RALYL: variants seen among roughly 807,000 people sequenced by gnomAD.
The protein encoded by RALYL is RALY RNA binding protein like.
A neutral mutation model predicts 35.1 loss-of-function variants in RALYL; 29 were observed. The ratio of observed to expected loss-of-function variants is 0.83; its 90% CI spans 0.61 to 1.13. The LOEUF (loss-of-function observed/expected upper bound fraction) is 1.13, where lower values mean the gene tolerates loss of function less well. Ranked by LOEUF, RALYL falls within the 50% of genes most tolerant of loss-of-function variation. RALYL has a pLI of 0.00. For missense variants in RALYL, 359 were observed against 360.4 expected, an observed-to-expected ratio of 1.00 and a Z score of 0.03; for synonymous variants, 120 against 127.6, an observed-to-expected ratio of 0.94 and a Z score of 0.40.
chr8:84,877,649 C>T (rs1014196682), intron 7 of RALYL, among the ~76,000 whole-genome samples: 4 of 152,114 alleles, frequency 2.6e-5, no homozygotes, highest in Non-Finnish European at 4.4e-5. Context: ...ATCACAGCAT[C>T]GTAGAGGCCT....
chr8:84,309,203 A>G (rs1842325581), intron 1 of RALYL, among the ~76,000 whole-genome samples: 1 of 151,346 alleles, frequency 6.6e-6, no homozygotes, highest in South Asian at 2.1e-4. Flanking sequence ...ATTTAAAAAT[A>G]TAAATTATAT....
intron 2 of RALYL, among the ~76,000 whole-genome samples, chr8:84,699,058 G>GA (rs1839739578): frequency 7.9e-6 from 1 of 126,366 alleles, no homozygotes; most frequent in African/African-American, 3.0e-5. Flanking sequence ...AGATAGATAG[G>GA]ATAAATAGAT....
At chr8:84,872,570 CATCTT>C (rs1392036040) in intron 6 of RALYL, 1 of 152,176 alleles carries the variant, frequency 6.6e-6, no homozygotes, top group East Asian at 1.9e-4. Flanking sequence ...GAAAAATTGT[CATCTT>C]ATGTTAGTCC....
chr8:84,239,280 A>G (rs2131544989), intron 1 of RALYL, among the ~76,000 whole-genome samples: 1 of 152,316 alleles, frequency 6.6e-6, no homozygotes, highest in African/African-American at 2.4e-5. Context: ...CTCAAATAAA[A>G]CATAACTTGA....
intron 2 of RALYL, among the ~76,000 whole-genome samples, chr8:84,674,080 G>A (rs1833754124): frequency 6.6e-6 from 1 of 152,028 alleles, no homozygotes; most frequent in Non-Finnish European, 1.5e-5. Context: ...ACTTTGTAGA[G>A]ATCTTTCACT....
intron 8 of RALYL, among the ~76,000 whole-genome samples, chr8:84,917,299 T>G (rs967674179): frequency 7.3e-5 from 11 of 151,710 alleles, no homozygotes; most frequent in African/African-American, 2.7e-4. Context: ...ACTGAACAGT[T>G]AGGAGGGGCA....
At chr8:84,799,319 C>T (rs1822645486) in intron 3 of RALYL, among the ~76,000 whole-genome samples, 1 of 152,136 alleles carries the variant, frequency 6.6e-6, no homozygotes, top group Non-Finnish European at 1.5e-5. Flanking sequence ...TAAGAAAATA[C>T]TTCCTGGAAA....
rs533830821 is a variant in RALYL, at chr8:84,481,420, C to A, written c.-23-47879C>A. ...TCATAGCTCACTGCAGCCTCAAATT[C>A]TTGGGCTCAGGTGATCCTAATAATT... On this transcript the variant is annotated intron_variant, in intron 1 of 8. Coordinates refer to ENST00000521268, the MANE Select transcript of RALYL (RefSeq NM_173848.7). 2.0e-5 allele frequency among the ~76,000 whole-genome samples: 3 copies of A among 152,282 alleles called. No individual in the cohort carries two copies. In the South Asian group the frequency reaches 6.2e-4, roughly 32 times the overall value.
intron 2 of RALYL, among the ~76,000 whole-genome samples, chr8:84,603,834 G>A (rs1816517487): frequency 6.6e-6 from 1 of 152,104 alleles, no homozygotes; most frequent in Non-Finnish European, 1.5e-5. Context: ...TCATGAAGGT[G>A]TCTGCTAAAA....
chr8:84,671,890 G>A (rs72681005), intron 2 of RALYL, among the ~76,000 whole-genome samples: 29,537 of 152,144 alleles, frequency 0.19, 3,117 homozygotes, highest in Non-Finnish European at 0.23. Context: ...AATTTATGCA[G>A]CCAGCTTGAT....
At position 84,669,495 on chromosome 8, in the gene RALYL, C is replaced by CT. The variant is rs1245149936; in HGVS notation, c.257-105084_257-105083insT. Among the ~76,000 whole-genome samples, 19 of 77,266 alleles carry CT rather than the reference C, an allele frequency of 2.5e-4. 1 individual carries two copies. The highest frequency in any genetic ancestry group is 3.3e-4 in the Non-Finnish European group (13 of 39,150). 50.7% of individuals were successfully genotyped at this position (77,266 alleles called of 152,430 possible). On this transcript the variant is annotated intron_variant, in intron 2 of 8. Coordinates refer to ENST00000521268, the MANE Select transcript of RALYL (RefSeq NM_173848.7). ...ATCTTCTCCCTCCCCCCTCCCCCCCCCCCCACTCTATTAGTTCACAGTGTC... is the reference window on the plus strand; with the variant it reads ...ATCTTCTCCCTCCCCCCTCCCCCCCCTCCCCACTCTATTAGTTCACAGTGTC...
intron 1 of RALYL, among the ~76,000 whole-genome samples, chr8:84,208,078 T>C (rs141713152): frequency 2.6e-5 from 4 of 152,200 alleles, no homozygotes; most frequent in African/African-American, 9.6e-5. Flanking sequence ...AGCCACCGTT[T>C]TTCTGTCAAA....
intron 1 of RALYL, among the ~76,000 whole-genome samples, chr8:84,510,653 A>C (rs1011806426): frequency 2.0e-5 from 3 of 152,158 alleles, no homozygotes; most frequent in African/African-American, 7.2e-5. Flanking sequence ...TCTACTAAAA[A>C]TACAAAATTA....
chr8:84,412,451 C>G (rs1367417807), intron 1 of RALYL, among the ~76,000 whole-genome samples: 1 of 151,792 alleles, frequency 6.6e-6, no homozygotes, highest in Non-Finnish European at 1.5e-5. Flanking sequence ...TAGATTGTCC[C>G]TTATTCAGGA....
intron 1 of RALYL, among the ~76,000 whole-genome samples, chr8:84,348,083 A>G (rs2131011048): frequency 6.6e-6 from 1 of 152,166 alleles, no homozygotes; most frequent in South Asian, 2.1e-4. Flanking sequence ...TGATGGCTGG[A>G]GTTTGGCTGC....
chr8:84,185,292 T>C (rs933035723), intron 1 of RALYL: 65 of 499,624 alleles, frequency 1.3e-4, no homozygotes, highest in Non-Finnish European at 1.1e-4. Context: ...TTCCCTCTTT[T>C]TAACCACCTG....
At chr8:84,871,573 T>A (rs756725658) in intron 6 of RALYL, among the ~76,000 whole-genome samples, 1 of 152,218 alleles carries the variant, frequency 6.6e-6, no homozygotes, top group Non-Finnish European at 1.5e-5. Flanking sequence ...TGACAGATGA[T>A]GTTTTTCAAA....
chr8:84,862,347 G>A lies in RALYL; in HGVS notation c.465G>A (p.Pro155=), dbSNP rs370262365. Residue 155 remains proline (P), a synonymous_variant, in exon 6 of 9, where the codon CCG becomes CCA. Transcript: ENST00000521268. ...RVPPPPRAVI[P]LKRPRVAVTT... is the part of the protein sequence containing the mutation. ...CTCCACCTCCCCGTGCAGTAATTCC[G>A]CTGAAGCGTCCCAGAGTGGCAGTCA... 50 of 1,604,364 alleles carry A rather than the reference G, an allele frequency of 3.1e-5. No individual in the cohort carries two copies. The East Asian group carries it at 8.0e-4, about 26-fold the overall frequency.
intron 2 of RALYL, among the ~76,000 whole-genome samples, chr8:84,564,104 A>T (rs2135644180): frequency 6.6e-6 from 1 of 151,912 alleles, no homozygotes; most frequent in African/African-American, 2.4e-5. Flanking sequence ...TAATTCTTAT[A>T]GTCATGTTTC....
Sources: allele counts gnomAD v4.1 joint callset (sites outside exome capture counted in the v4.1 genomes callset), GRCh38; gene constraint gnomAD v4.1.1; transcripts MANE v1.5; gene names NCBI Gene and HGNC (gene_info 2026-07-23, HGNC 2026-07-21).